EPHA6: variants seen among roughly 807,000 people sequenced by gnomAD.
The protein encoded by EPHA6 is ephrin type-A receptor 6.
Under a neutral mutation model 112.0 loss-of-function variants are expected in EPHA6, and 50 were observed. The observed-to-expected ratio is 0.45, with a 90% CI of 0.36 to 0.56. EPHA6 has a LOEUF of 0.56. Among genes scored for constraint, EPHA6 ranks in the 20% least tolerant of loss-of-function variants. EPHA6 has a pLI of 0.00. For missense variants in EPHA6, 1,280 were observed against 1,417.4 expected, an observed-to-expected ratio of 0.90 and a Z score of 1.56; for synonymous variants, 529 against 490.7, an observed-to-expected ratio of 1.08 and a Z score of -1.03.
chr3:97,137,559 T>C (rs1173138184), intron 3 of EPHA6, among the ~76,000 whole-genome samples: 1 of 152,176 alleles, frequency 6.6e-6, no homozygotes, highest in Non-Finnish European at 1.5e-5. Context: ...AAAAGGAATA[T>C]GACAAGTACT....
At chr3:97,146,491 T>G (rs1328536299) in intron 3 of EPHA6, among the ~76,000 whole-genome samples, 1 of 151,798 alleles carries the variant, frequency 6.6e-6, no homozygotes, top group African/African-American at 2.4e-5. Flanking sequence ...CTCTACATTA[T>G]TTCCTCAGAC....
intron 12 of EPHA6, among the ~76,000 whole-genome samples, chr3:97,595,181 C>G (rs1560172269): frequency 1.3e-5 from 2 of 152,124 alleles, no homozygotes; most frequent in Non-Finnish European, 2.9e-5. Context: ...ATTTATGCAA[C>G]AGTTGTCAAC....
At chr3:97,010,871 T>C (rs868857534) in intron 3 of EPHA6, among the ~76,000 whole-genome samples, 16 of 152,170 alleles carry the variant, frequency 1.1e-4, no homozygotes, top group Non-Finnish European at 2.1e-4. Flanking sequence ...AAGCTTTCAA[T>C]AGAGGATTTC....
chr3:97,162,697 T>C (rs1332147576), intron 3 of EPHA6, among the ~76,000 whole-genome samples: 2 of 152,106 alleles, frequency 1.3e-5, no homozygotes, highest in African/African-American at 4.8e-5. Context: ...TTTGAGGTCC[T>C]TCCTCAAGGG....
chr3:97,453,543 A>T (rs1360426519), intron 7 of EPHA6, among the ~76,000 whole-genome samples: 5 of 151,758 alleles, frequency 3.3e-5, no homozygotes, highest in African/African-American at 9.7e-5. Flanking sequence ...GACTAAATTT[A>T]TAGCACATAA....
chr3:97,385,386 T>C, intron 5 of EPHA6, among the ~76,000 whole-genome samples: 1 of 151,314 alleles, frequency 6.6e-6, no homozygotes, highest in South Asian at 2.1e-4. Context: ...GTAATAACTC[T>C]ATTTAAATAT....
At chr3:97,021,645 G>T (rs991382796) in intron 3 of EPHA6, among the ~76,000 whole-genome samples, 8 of 152,208 alleles carry the variant, frequency 5.3e-5, no homozygotes, top group African/African-American at 1.9e-4. Flanking sequence ...CCACATTCTT[G>T]CTGTGTCATC....
intron 1 of EPHA6, among the ~76,000 whole-genome samples, chr3:96,836,474 T>C (rs2107302095): frequency 6.6e-6 from 1 of 152,262 alleles, no homozygotes; most frequent in Middle Eastern, 3.4e-3. Context: ...GAATACTGTT[T>C]GTCAAAACGT....
At chr3:97,564,783 T>C (rs1440473952) in intron 11 of EPHA6, among the ~76,000 whole-genome samples, 1 of 152,148 alleles carries the variant, frequency 6.6e-6, no homozygotes, top group Non-Finnish European at 1.5e-5. Context: ...AGGCTAATGT[T>C]AAATTGAAAA....
chr3:97,131,256 G>T (rs1426421217), intron 3 of EPHA6, among the ~76,000 whole-genome samples: 1 of 152,018 alleles, frequency 6.6e-6, no homozygotes, highest in Non-Finnish European at 1.5e-5. Context: ...AATATAAATG[G>T]TAGTAATATA....
chr3:96,959,249 C>T (rs1169716990), intron 2 of EPHA6, among the ~76,000 whole-genome samples: 1 of 152,124 alleles, frequency 6.6e-6, no homozygotes, highest in African/African-American at 2.4e-5. Flanking sequence ...TTGTGTTTCC[C>T]TAATGGCTAA....
At chr3:97,722,156 C>T (rs1004429704) in intron 15 of EPHA6, among the ~76,000 whole-genome samples, 3 of 152,140 alleles carry the variant, frequency 2.0e-5, no homozygotes, top group Admixed American at 6.5e-5. Context: ...TCCCAGCAGA[C>T]TTAAATCAGA....
intron 5 of EPHA6, among the ~76,000 whole-genome samples, chr3:97,390,619 C>T (rs9836509): frequency 0.12 from 18,246 of 151,670 alleles, 3,513 homozygotes; most frequent in African/African-American, 0.4. Context: ...CACAAAAATG[C>T]ACATTTTAAA....
At chr3:97,381,881 C>T (rs905663182) in intron 5 of EPHA6, among the ~76,000 whole-genome samples, 4 of 152,060 alleles carry the variant, frequency 2.6e-5, no homozygotes, top group Non-Finnish European at 5.9e-5. Context: ...CTGCTTAGCA[C>T]TTAACCTAAA....
chr3:97,444,219 C>T (rs143359302), intron 6 of EPHA6, among the ~76,000 whole-genome samples: 388 of 151,944 alleles, frequency 2.6e-3, no homozygotes, highest in African/African-American at 8.9e-3. Flanking sequence ...TACATTTAAT[C>T]CAATTAATTT....
At chr3:97,051,844 A>G (rs887704398) in intron 3 of EPHA6, among the ~76,000 whole-genome samples, 1 of 152,130 alleles carries the variant, frequency 6.6e-6, no homozygotes, top group Non-Finnish European at 1.5e-5. Context: ...CAAACATAGT[A>G]GATGTTATAT....
Position 97,611,554 on chromosome 3 carries a change from A to G in EPHA6, c.2574+700A>G, listed in dbSNP as rs1462714775. Among the ~76,000 whole-genome samples the G allele has an allele frequency of 5.3e-5, 8 of 152,026 alleles. No individual in the cohort carries two copies. In the East Asian group the frequency reaches 1.5e-3, roughly 29 times the overall value. Reference sequence around the variant, plus strand: ...TTGAAAAAGCATCATGTGCTATGAAAATATTCATTGATAGTGAAAAAAGTG... The same window carrying G: ...TTGAAAAAGCATCATGTGCTATGAAGATATTCATTGATAGTGAAAAAAGTG... On this transcript the variant is annotated intron_variant, in intron 13 of 17. Transcript: ENST00000389672.
intron 5 of EPHA6, among the ~76,000 whole-genome samples, chr3:97,265,171 TGAGTGGGCCCA>T (rs1166022030): frequency 2.6e-5 from 4 of 152,078 alleles, no homozygotes; most frequent in Non-Finnish European, 5.9e-5. Flanking sequence ...TGGGCAGCCA[TGAGTGGGCCCA>T]AAAAAGGTAT....
At chr3:96,826,316 G>C (rs1188973354) in intron 1 of EPHA6, among the ~76,000 whole-genome samples, 3 of 151,876 alleles carry the variant, frequency 2.0e-5, no homozygotes, top group Non-Finnish European at 4.4e-5. Flanking sequence ...TAGATAGACT[G>C]TACTACACAC....
Sources: gnomAD v4.1 joint callset for allele counts (sites outside exome capture counted in the v4.1 genomes callset) on GRCh38, gnomAD v4.1.1 for gene constraint, MANE v1.5 for transcripts, NCBI Gene and HGNC (gene_info 2026-07-23, HGNC 2026-07-21) for gene names.